Variants in DNAH6 observed in about 807,000 individuals in gnomAD.
DNAH6 encodes the protein axonemal beta dynein heavy chain 6.
Under a neutral mutation model 491.4 loss-of-function variants are expected in DNAH6, and 340 were observed. That is an observed-to-expected ratio of 0.69 (90% CI 0.63 to 0.76). The LOEUF (loss-of-function observed/expected upper bound fraction) is 0.76. DNAH6 is among the 30% of genes least tolerant of loss of function. The pLI is 0.00. For synonymous variants in DNAH6, 1,603 were observed against 1,686.1 expected, an observed-to-expected ratio of 0.95 and a Z score of 1.21; for missense variants, 4,443 against 4,972.2, an observed-to-expected ratio of 0.89 and a Z score of 3.20.
chr2:84,659,262 T>C, intron 37 of DNAH6, 93 bp downstream of exon 37: 1 of 713,796 alleles, frequency 1.4e-6, no homozygotes, highest in Non-Finnish European at 2.0e-6. Flanking sequence ...CTATTGAAAA[T>C]ATAACTTATA....
chr2:84,710,235 G>T, intron 55 of DNAH6, 52 bp from the exon 56 acceptor site: 1 of 1,514,104 alleles, frequency 6.6e-7, no homozygotes, highest in Middle Eastern at 1.7e-4. Context: ...TCGCTTTCTA[G>T]CCATTTATTA....
chr2:84,621,669 G>A (rs900767434), intron 26 of DNAH6, 118 bp downstream of exon 26: 10 of 569,446 alleles, frequency 1.8e-5, no homozygotes, highest in Non-Finnish European at 2.8e-5. Context: ...TCTGACATTT[G>A]TAATAGCTCT....
the DNAH6 span, among the ~76,000 whole-genome samples, chr2:84,472,979 A>G: frequency 1.3e-5 from 2 of 152,220 alleles, no homozygotes; most frequent in Non-Finnish European, 2.9e-5. Context: ...TAACACTGTT[A>G]TCACAGCCAT....
At chr2:84,711,194 T>G (rs570916764) in intron 56 of DNAH6, among the ~76,000 whole-genome samples, 45 of 152,206 alleles carry the variant, frequency 3.0e-4, no homozygotes, top group African/African-American at 1.1e-3. Flanking sequence ...CTTAGATATG[T>G]GGATAAAGGG....
Position 84,686,565 on chromosome 2 carries a change from T to C in DNAH6, c.7137+8T>C. On this transcript the variant is annotated splice_region_variant and intron_variant, in intron 44 of 76. Transcript: ENST00000389394. The stretch of plus-strand genomic sequence containing the variant: ...TTTGGAGATTTCATTAAGGCAAGTA[T>C]GTTAGATTGACTTGACCTCATTTGA... The C allele has an allele frequency of 7.0e-7, 1 of 1,438,494 alleles. No individual in the cohort carries two copies. Among genetic ancestry groups the C allele is most frequent in the Non-Finnish European group, 9.5e-7 (1 of 1,051,056 alleles). 89.1% of individuals were successfully genotyped at this position (1,438,494 alleles called of 1,614,324 possible).
chr2:84,660,789 C>T (rs1051517427), intron 37 of DNAH6, among the ~76,000 whole-genome samples: 3 of 152,076 alleles, frequency 2.0e-5, no homozygotes, highest in Non-Finnish European at 4.4e-5. Flanking sequence ...TGAGGTTACA[C>T]CTGGAAAACC....
intron 11 of DNAH6, among the ~76,000 whole-genome samples, chr2:84,561,924 C>G (rs1531363): frequency 0.69 from 105,081 of 151,946 alleles, 38,641 homozygotes; most frequent in East Asian, 0.86. Context: ...TTTCATCTAG[C>G]TAAGAAATAA....
At chr2:84,674,576 G>A (rs760796743) in intron 40 of DNAH6, among the ~76,000 whole-genome samples, 2 of 152,124 alleles carry the variant, frequency 1.3e-5, no homozygotes, top group African/African-American at 2.4e-5. Flanking sequence ...AGGGAGCCCC[G>A]GATGCAAGAT....
At chr2:84,691,174 G>A (rs950637496) in intron 45 of DNAH6, among the ~76,000 whole-genome samples, 4 of 152,136 alleles carry the variant, frequency 2.6e-5, no homozygotes, top group Admixed American at 6.5e-5. Context: ...CCATTTATAA[G>A]TAAATTGCCA....
chr2:84,596,557 C>T (rs1469031599), intron 18 of DNAH6, among the ~76,000 whole-genome samples: 1 of 152,014 alleles, frequency 6.6e-6, no homozygotes, highest in African/African-American at 2.4e-5. Context: ...CCTCAAAATC[C>T]TGACCTCACG....
At position 84,699,704 on chromosome 2, in the gene DNAH6, G is replaced by A; in HGVS notation, c.7788G>A (p.Val2596=). The A allele has an allele frequency of 1.3e-6, 2 of 1,551,704 alleles. No individual in the cohort carries two copies. Among genetic ancestry groups the A allele is most frequent in the Non-Finnish European group, 1.7e-6 (2 of 1,146,994 alleles). The part of the protein sequence containing the change: ...RSRCRMFPSL[V]NCCTIDWFVQ... ...GATGCAGGATGTTTCCATCCCTTGTGAATTGCTGCACCATTGACTGGTTTG... is the reference window on the plus strand; with the variant it reads ...GATGCAGGATGTTTCCATCCCTTGTAAATTGCTGCACCATTGACTGGTTTG... Residue 2596 remains valine, a synonymous_variant, in exon 48 of 77, where the codon GTG becomes GTA. Transcript: ENST00000389394.
Position 84,815,956 on chromosome 2 carries a change from C to A in DNAH6, c.12246C>A (p.Pro4082=). The A allele has an allele frequency of 6.4e-7, 1 of 1,551,832 alleles. No homozygotes were observed. Among genetic ancestry groups the A allele is most frequent in the South Asian group, 1.2e-5 (1 of 84,038 alleles). Residue 4082 remains proline, a synonymous_variant, in exon 76 of 77, where the codon CCC becomes CCA. Coordinates refer to ENST00000389394, the MANE Select transcript of DNAH6 (RefSeq NM_001370.2). ...DKEMVIEDAL[P]GQMNPVLPVV... ...AGATGGTGATAGAAGATGCATTGCC[C>A]GGACAGATGAATCCAGTGCTGCCTG...
intron 11 of DNAH6, among the ~76,000 whole-genome samples, chr2:84,570,671 A>C (rs1681713640): frequency 6.6e-6 from 1 of 152,172 alleles, no homozygotes; most frequent in Non-Finnish European, 1.5e-5. Context: ...ACTCTGTAAA[A>C]TGGGCCCATT....
chr2:84,602,375 C>T (rs1420134928), intron 18 of DNAH6, among the ~76,000 whole-genome samples: 1 of 148,918 alleles, frequency 6.7e-6, no homozygotes, highest in Non-Finnish European at 1.5e-5. Context: ...GTTTTTGTTT[C>T]TGTTTTTCCT....
chr2:84,527,208 G>A (rs1257367358), intron 3 of DNAH6, among the ~76,000 whole-genome samples: 2 of 152,100 alleles, frequency 1.3e-5, no homozygotes, highest in Non-Finnish European at 2.9e-5. Context: ...GGAAGAAATT[G>A]ACTTATCGAA....
At chr2:84,768,323 T>TA (rs1335617901) in intron 64 of DNAH6, among the ~76,000 whole-genome samples, 1 of 151,758 alleles carries the variant, frequency 6.6e-6, no homozygotes, top group Non-Finnish European at 1.5e-5. Context: ...TTAATAAAAC[T>TA]AAAAAATTCC....
intron 38 of DNAH6, 119 bp from the exon 39 acceptor site, chr2:84,670,209 C>A: frequency 3.1e-6 from 2 of 654,638 alleles, no homozygotes; most frequent in South Asian, 2.4e-5. Flanking sequence ...GCAGACATTT[C>A]AATCTGGCTT....
intron 64 of DNAH6, among the ~76,000 whole-genome samples, chr2:84,773,064 ATACTT>A (rs1231801082): frequency 2.6e-5 from 4 of 152,102 alleles, no homozygotes; most frequent in Non-Finnish European, 5.9e-5. Context: ...AAATTAGAAA[ATACTT>A]TATTCATTTT....
chr2:84,722,845 C>A (rs1023416586), intron 60 of DNAH6, 41 bp downstream of exon 60: 3 of 1,204,496 alleles, frequency 2.5e-6, no homozygotes, highest in Admixed American at 6.5e-5. Flanking sequence ...ATCTCTTTGG[C>A]CTCCATTACA....
Sources: allele counts gnomAD v4.1 joint callset (sites outside exome capture counted in the v4.1 genomes callset), GRCh38; gene constraint gnomAD v4.1.1; transcripts MANE v1.5; gene names NCBI Gene and HGNC (gene_info 2026-07-23, HGNC 2026-07-21).